The following KATNA1 variants were observed in gnomAD, a reference collection of about 807,000 sequenced individuals.
KATNA1 encodes katanin catalytic subunit A1.
A neutral mutation model predicts 62.6 loss-of-function variants in KATNA1; 42 were observed. The observed-to-expected ratio is 0.67, with a 90% confidence interval of 0.52 to 0.87. The LOEUF (loss-of-function observed/expected upper bound fraction) is 0.87. Among genes scored for constraint, KATNA1 ranks in the 40% least tolerant of loss-of-function variants. The pLI is 0.00. For synonymous variants in KATNA1, 186 were observed against 201.9 expected, an observed-to-expected ratio of 0.92 and a Z score of 0.67; for missense variants, 498 against 612.5, an observed-to-expected ratio of 0.81 and a Z score of 1.97.
At chr6:149,638,741 T>TTG in intron 1 of KATNA1, 181 bp from the exon 2 acceptor site, 5 of 438,288 alleles carry the variant, frequency 1.1e-5, no homozygotes, top group African/African-American at 6.6e-5. Context: ...TTTTTTTTTT[T>TTG]TTTTTTTTTT....
rs199834858 is a variant in KATNA1, at chr6:149,595,099, C to T, written c.1413G>A (p.Lys471=). 5.6e-6 allele frequency: 9 copies of T among 1,613,934 alleles called. No individual in the cohort carries two copies. Among genetic ancestry groups the T allele is most frequent in the Non-Finnish European group, 7.6e-6 (9 of 1,179,952 alleles). Residue 471 remains lysine, a synonymous_variant, in exon 11 of 11, where the codon AAG becomes AAA. Transcript: ENST00000367411. ...TTTCAATGTCTGCAGCAGACACTGA[C>T]TTAGAAACCTTTTTTAAAGCCATCT... ...DFEMALKKVS[K]SVSAADIERY...
chr6:149,633,475 A>C (rs1779934750), intron 2 of KATNA1, among the ~76,000 whole-genome samples: 1 of 152,122 alleles, frequency 6.6e-6, no homozygotes, highest in South Asian at 2.1e-4. Flanking sequence ...CACGCCTGTA[A>C]TCCCAGCACT....
chr6:149,643,921 C>G (rs183421804), intron 1 of KATNA1, among the ~76,000 whole-genome samples: 12 of 151,886 alleles, frequency 7.9e-5, no homozygotes, highest in Admixed American at 2.6e-4. Context: ...CTCCTGGGCT[C>G]AAGCGATCAG....
At chr6:149,641,080 C>T (rs111583045) in intron 1 of KATNA1, among the ~76,000 whole-genome samples, 15 of 151,440 alleles carry the variant, frequency 9.9e-5, no homozygotes, top group African/African-American at 1.7e-4. Flanking sequence ...ATTTTGGTCA[C>T]GCTGGTCTCG....
intron 1 of KATNA1, among the ~76,000 whole-genome samples, chr6:149,641,096 C>T (rs1780265247): frequency 6.7e-6 from 1 of 149,690 alleles, no homozygotes; most frequent in African/African-American, 2.5e-5. Context: ...TCTCGAACTC[C>T]CGATCTCGGG....
chr6:149,631,556 AAAAAAAAC>A (rs1779836527), intron 3 of KATNA1: 1 of 99,700 alleles, frequency 1.0e-5, no homozygotes, highest in African/African-American at 6.9e-5. Context: ...TTAAAAAAAC[AAAAAAAAC>A]AAAAAAAAAA....
At chr6:149,635,170 C>T (rs1780022315) in intron 2 of KATNA1, among the ~76,000 whole-genome samples, 1 of 152,062 alleles carries the variant, frequency 6.6e-6, no homozygotes, top group African/African-American at 2.4e-5. Flanking sequence ...CCCAGCTACT[C>T]TGGAGGCTGG....
intron 3 of KATNA1, among the ~76,000 whole-genome samples, chr6:149,623,677 G>A (rs1779497231): frequency 6.6e-6 from 1 of 152,094 alleles, no homozygotes; most frequent in Non-Finnish European, 1.5e-5. Context: ...GGTGGAGACT[G>A]GAGTGAGCCA....
intron 1 of KATNA1, among the ~76,000 whole-genome samples, chr6:149,646,291 C>T (rs1346605645): frequency 2.0e-5 from 3 of 152,048 alleles, no homozygotes; most frequent in African/African-American, 7.2e-5. Flanking sequence ...TTATTAAACA[C>T]AGACTAAAAA....
At chr6:149,602,374 A>G (rs1778579672) in intron 6 of KATNA1, among the ~76,000 whole-genome samples, 1 of 152,112 alleles carries the variant, frequency 6.6e-6, no homozygotes, top group African/African-American at 2.4e-5. Context: ...AAACAAAACA[A>G]ACAAAATACA....
chr6:149,601,607 A>G lies in KATNA1; in HGVS notation c.875T>C (p.Leu292Pro). Residue 292 changes from leucine (L) to proline (P), a missense_variant, in exon 7 of 11, where the codon CTT becomes CCT. Transcript: ENST00000367411. ...TCAAACATTCACCATTTCAAACAGA[A>G]GACGAACAAGCTTCTCAGATTCTCC... ...YRGESEKLVR[L>P]LFEMARFYSP... The G allele has an allele frequency of 1.9e-6, 3 of 1,606,634 alleles. No individual in the cohort carries two copies. Among genetic ancestry groups the G allele is most frequent in the Non-Finnish European group, 2.5e-6 (3 of 1,177,306 alleles).
intron 4 of KATNA1, among the ~76,000 whole-genome samples, chr6:149,606,757 T>G (rs1397846606): frequency 6.6e-6 from 1 of 152,090 alleles, no homozygotes; most frequent in Non-Finnish European, 1.5e-5. Context: ...TAGCTGGGAT[T>G]ACAGACATGT....
chr6:149,626,699 T>C (rs185309105), intron 3 of KATNA1, among the ~76,000 whole-genome samples: 4 of 151,578 alleles, frequency 2.6e-5, no homozygotes, highest in South Asian at 2.1e-4. Flanking sequence ...ATATACACCA[T>C]CTGGCTGGAC....
rs1313502104 is a variant in KATNA1 at position 149,597,561 on chromosome 6, CTA to C, written c.1094_1095del (p.Ile365ArgfsTer2). ...TCAAGGCGTCGTCTTAAAGCCTCAT[CTA>C]TATCCCAGGGAAAATTAGTAGCTGC... ...VLAATNFPWD[I>X]DEALRRRLEK... On this transcript the variant is annotated frameshift_variant, in exon 9 of 11. Coordinates refer to ENST00000367411, the MANE Select transcript of KATNA1 (RefSeq NM_007044.4). LOFTEE classifies it high-confidence loss of function. 1.2e-6 allele frequency: 2 copies of C among 1,613,952 alleles called. No homozygotes were observed. Among genetic ancestry groups the C allele is most frequent in the African/African-American group, 2.7e-5 (2 of 74,938 alleles).
chr6:149,618,046 T>C (rs1779246567), intron 4 of KATNA1, among the ~76,000 whole-genome samples: 3 of 148,178 alleles, frequency 2.0e-5, no homozygotes. Context: ...TCCCAGCTAC[T>C]CGGCAGGCTG....
intron 1 of KATNA1, among the ~76,000 whole-genome samples, chr6:149,642,676 T>C (rs1780339145): frequency 1.3e-5 from 2 of 152,148 alleles, no homozygotes; most frequent in Admixed American, 6.6e-5. Flanking sequence ...GTCTCAGACA[T>C]AGAACAAGAT....
At chr6:149,601,968 G>A (rs1380087531) in intron 6 of KATNA1, among the ~76,000 whole-genome samples, 3 of 152,204 alleles carry the variant, frequency 2.0e-5, no homozygotes, top group African/African-American at 7.2e-5. Flanking sequence ...ACTCAAAGAT[G>A]AGAAAAAGTA....
chr6:149,616,722 C>T lies in KATNA1; in HGVS notation c.501+6381G>A, dbSNP rs576975847. Among the ~76,000 whole-genome samples, 1,015 of 152,132 alleles carry T rather than the reference C, an allele frequency of 6.7e-3. 11 individuals are homozygous for T. The highest frequency in any genetic ancestry group is 0.023 in the African/African-American group (959 of 41,484). On this transcript the variant is annotated intron_variant, in intron 4 of 10. Transcript: ENST00000367411. ...TGAGCCAAGATCGCGCCATTGCACT[C>T]CAGCCTGGGAAACAGAGCAAGACTC... is the stretch of plus-strand genomic sequence containing the variant.
At position 149,597,612 on chromosome 6, in the gene KATNA1, G is replaced by C; in HGVS notation, c.1045C>G (p.Pro349Ala). 6.2e-7 allele frequency: 1 copy of C among 1,613,796 alleles called. No individual in the cohort carries two copies. The highest frequency in any genetic ancestry group is 1.1e-5 in the South Asian group (1 of 91,052). ...GCCAGAACCATAACCATTTTGGAAGGGTCATCATTTTCAGAAGTACCTCCA... is the reference window on the plus strand; with the variant it reads ...GCCAGAACCATAACCATTTTGGAAGCGTCATCATTTTCAGAAGTACCTCCA... ...GVGGTSENDD[P>A]SKMVMVLAAT... The change falls in exon 9 of 11, where the codon CCT (proline) becomes GCT (alanine). Residue 349 changes from proline to alanine, a missense_variant. Coordinates refer to ENST00000367411, the MANE Select transcript of KATNA1 (RefSeq NM_007044.4).
Sources: allele counts gnomAD v4.1 joint callset (sites outside exome capture counted in the v4.1 genomes callset), GRCh38; gene constraint gnomAD v4.1.1; transcripts MANE v1.5; gene names NCBI Gene and HGNC (gene_info 2026-07-23, HGNC 2026-07-21).